The following MALT1 variants were observed in gnomAD, a reference collection of about 807,000 sequenced individuals.
MALT1 encodes MALT1 paracaspase.
A neutral mutation model predicts 85.5 loss-of-function variants in MALT1; 36 were observed. The ratio of observed to expected loss-of-function variants is 0.42; its 90% CI spans 0.32 to 0.56. The LOEUF is 0.56. Ranked by LOEUF, MALT1 falls within the 20% of genes least tolerant of loss-of-function variation. The pLI is 0.10. For synonymous variants in MALT1, 359 were observed against 361.3 expected (o/e 0.99, Z 0.07); for missense variants, 716 against 981.6 (o/e 0.73, Z 3.62).
intron 2 of MALT1, among the ~76,000 whole-genome samples, chr18:58,682,435 G>A (rs2144313705): frequency 6.6e-6 from 1 of 152,316 alleles, no homozygotes; most frequent in African/African-American, 2.4e-5. Context: ...CGCATTGGTT[G>A]GTTTTTGTCT....
chr18:58,689,421 GCAGT>G (rs146955403), intron 2 of MALT1, among the ~76,000 whole-genome samples: 8,161 of 152,180 alleles, frequency 0.054, 344 homozygotes, highest in East Asian at 0.22. Context: ...TGCATGTAAA[GCAGT>G]CAGTAACTTG....
At position 58,723,115 on chromosome 18, in the gene MALT1, T is replaced by G; in HGVS notation, c.1086T>G (p.Pro362=). The change falls in exon 10 of 17, where the codon CCT becomes CCG. Residue 362 remains proline, a synonymous_variant. Coordinates refer to ENST00000649217, the MANE Select transcript of MALT1 (RefSeq NM_006785.4). ...NYREHPKLKA[P]LVDVYELTNL... ...GGGAGCACCCCAAGCTCAAAGCTCC[T>G]TTGGTGGATGTGTACGAATTGACTA... The G allele has an allele frequency of 6.2e-7, 1 of 1,614,086 alleles. No individual in the cohort carries two copies. Among genetic ancestry groups the G allele is most frequent in the Non-Finnish European group, 8.5e-7 (1 of 1,179,980 alleles).
rs1239580976 is a variant in MALT1, at chr18:58,751,733, GT to G, written c.*3894del. ...TAATAAAGAAATTAGGATAGTGGAG[GT>G]TTGAGCAAGTAAAGGCTCACCCAAA... is the stretch of plus-strand genomic sequence containing the variant. On this transcript the variant is annotated 3_prime_UTR_variant, in exon 17 of 17. Coordinates refer to ENST00000649217, the MANE Select transcript of MALT1 (RefSeq NM_006785.4). The G allele has an allele frequency of 6.6e-6, 1 of 152,144 alleles. No homozygotes were observed. The highest frequency in any genetic ancestry group is 1.5e-5 in the Non-Finnish European group (1 of 68,024). The allele number at this position is 152,144 out of a possible 1,614,324, so 9.4% of individuals were successfully genotyped here. A position where few individuals can be genotyped will look rare whatever the true frequency, so the allele number is the denominator to read the frequency against.
rs751434443 is a variant in MALT1, at chr18:58,727,616, G to GTTTTTTTTTTTTTTTTTTTTTTTTT, written c.1222+4376_1222+4377insTTTTTTTTTTTTTTTTTTTTTTTTT. On this transcript the variant is annotated intron_variant, in intron 10 of 16. Transcript: ENST00000649217. Reference sequence around the variant, plus strand: ...ACCCAGCCTGCCAAAGGTTTTTTGTGTTTTTTTTTTTGTTTTTTTTTTTTT... The same window carrying GTTTTTTTTTTTTTTTTTTTTTTTTT: ...ACCCAGCCTGCCAAAGGTTTTTTGTGTTTTTTTTTTTTTTTTTTTTTTTTTTTTTTTTTTTTGTTTTTTTTTTTTT... 4.9e-5 allele frequency among the ~76,000 whole-genome samples: 6 copies of GTTTTTTTTTTTTTTTTTTTTTTTTT among 121,270 alleles called. 1 individual carries two copies. The highest frequency in any genetic ancestry group is 2.0e-4 in the African/African-American group (6 of 30,664). The allele number at this position is 121,270 out of a possible 152,430, so 79.6% of individuals were successfully genotyped here. A position where few individuals can be genotyped will look rare whatever the true frequency, so the allele number is the denominator to read the frequency against.
chr18:58,690,910 C>T (rs1020813985), intron 2 of MALT1: 9 of 237,460 alleles, frequency 3.8e-5, no homozygotes, highest in Admixed American at 4.7e-5. Context: ...GTACTGAGTA[C>T]GGCCCCAGGA....
At chr18:58,680,948 A>T (rs1040612178) in intron 1 of MALT1, among the ~76,000 whole-genome samples, 23 of 151,174 alleles carry the variant, frequency 1.5e-4, no homozygotes, top group East Asian at 5.8e-4. Context: ...AAAAAAAAAA[A>T]AAAAAAATAA....
In MALT1 at chr18:58,748,750, A is replaced by C. The variant is rs2055407667; in HGVS notation, c.*908A>C. The C allele has an allele frequency of 5.1e-6, 1 of 196,124 alleles. No homozygotes were observed. The highest frequency in any genetic ancestry group is 1.1e-5 in the Non-Finnish European group (1 of 94,352). The allele number at this position is 196,124 out of a possible 1,614,324, so 12.1% of individuals were successfully genotyped here. A position where few individuals can be genotyped will look rare whatever the true frequency, so the allele number is the denominator to read the frequency against. ...CTACCTAAAAGTTGGTTAAAAATGCAATTGGCATTAACAAGGAAAAATACT... is the reference window on the plus strand; with the variant it reads ...CTACCTAAAAGTTGGTTAAAAATGCCATTGGCATTAACAAGGAAAAATACT... On this transcript the variant is annotated 3_prime_UTR_variant, in exon 17 of 17. Coordinates refer to ENST00000649217, the MANE Select transcript of MALT1 (RefSeq NM_006785.4).
intron 1 of MALT1, among the ~76,000 whole-genome samples, chr18:58,676,041 CTA>C (rs139809852): frequency 3.3e-5 from 5 of 152,174 alleles, no homozygotes; most frequent in Non-Finnish European, 7.3e-5. Flanking sequence ...TGTACCTTCA[CTA>C]TATATATGTA....
At chr18:58,729,141 A>G (rs1438449560) in intron 10 of MALT1, among the ~76,000 whole-genome samples, 1 of 152,202 alleles carries the variant, frequency 6.6e-6, no homozygotes, top group South Asian at 2.1e-4. Context: ...GGAGTATGCT[A>G]TGTGCTGAGA....
chr18:58,684,331 T>C (rs1213431161), intron 2 of MALT1, among the ~76,000 whole-genome samples: 1 of 152,190 alleles, frequency 6.6e-6, no homozygotes, highest in Non-Finnish European at 1.5e-5. Flanking sequence ...TAGTTATTGA[T>C]TTAACAGCAA....
rs763462254 is a variant in MALT1, at chr18:58,733,370, T to C, written c.1223-27T>C. The C allele has an allele frequency of 2.0e-6, 3 of 1,480,938 alleles. No individual in the cohort carries two copies. In the Admixed American group the frequency reaches 5.9e-5, roughly 29 times the overall value. The allele number at this position is 1,480,938 out of a possible 1,614,324, so 91.7% of individuals were successfully genotyped here. ...AGAGTGCATTTAGAATTGACATCTA[T>C]CTCTCTCTTATTTTTCCTCTTTTCA... On this transcript the variant is annotated intron_variant, in intron 10 of 16. Transcript: ENST00000649217.
At position 58,686,705 on chromosome 18, in the gene MALT1, C is replaced by T. The variant is rs1196449291; in HGVS notation, c.376+5369C>T. 5.3e-5 allele frequency among the ~76,000 whole-genome samples: 8 copies of T among 152,054 alleles called. No homozygotes were observed. In the South Asian group the frequency reaches 1.0e-3, roughly 20 times the overall value. ...ATTTCATACCTTTTTTTCTCAGATC[C>T]GTTGTAACATACGCATTGTTATGTT... On this transcript the variant is annotated intron_variant, in intron 2 of 16. Coordinates refer to ENST00000649217, the MANE Select transcript of MALT1 (RefSeq NM_006785.4).
chr18:58,719,547 T>A (rs543428282), intron 9 of MALT1, among the ~76,000 whole-genome samples: 1 of 152,202 alleles, frequency 6.6e-6, no homozygotes, highest in Admixed American at 6.5e-5. Flanking sequence ...TTTAAGGGCT[T>A]AGACCCTGAA....
chr18:58,681,150 ATTCT>A lies in MALT1; in HGVS notation c.210-15_210-12del. ...ATGTGGAAGAAAGCTGTTGACTTGA[ATTCT>A]TTCTGTTGCTTTCAGTTGCCTAGAC... On this transcript the variant is annotated splice_polypyrimidine_tract_variant and intron_variant, in intron 1 of 16. Coordinates refer to ENST00000649217, the MANE Select transcript of MALT1 (RefSeq NM_006785.4). 1 of 1,610,592 alleles carries A rather than the reference ATTCT, an allele frequency of 6.2e-7. No homozygotes were observed. Among genetic ancestry groups the A allele is most frequent in the Non-Finnish European group, 8.5e-7 (1 of 1,178,284 alleles).
At chr18:58,705,461 C>T (rs1413836096) in intron 4 of MALT1, among the ~76,000 whole-genome samples, 1 of 143,148 alleles carries the variant, frequency 7.0e-6, no homozygotes, top group African/African-American at 2.6e-5. Flanking sequence ...TCTCCCAATG[C>T]TATCCCTCCC....
intron 7 of MALT1, 51 bp downstream of exon 7, chr18:58,711,004 T>C (rs768698009): frequency 1.4e-6 from 2 of 1,386,864 alleles, no homozygotes; most frequent in East Asian, 5.1e-5. Flanking sequence ...CTAGTTACTC[T>C]TGGGATTGGT....
In MALT1 at chr18:58,700,533, C is replaced by A; in HGVS notation, c.591C>A (p.Thr197=). 6.2e-7 allele frequency: 1 copy of A among 1,612,934 alleles called. No individual in the cohort carries two copies. The highest frequency in any genetic ancestry group is 8.5e-7 in the Non-Finnish European group (1 of 1,179,636). ...TCTGTCGAGTTAATAACAATTTCACCTTTGAATTCAGCCAGTGGTCACAGC... is the reference window on the plus strand; with the variant it reads ...TCTGTCGAGTTAATAACAATTTCACATTTGAATTCAGCCAGTGGTCACAGC... ...FYVCRVNNNF[T]FEFSQWSQLD... Residue 197 remains threonine (T), a synonymous_variant, in exon 4 of 17, where the codon ACC becomes ACA. Coordinates refer to ENST00000649217, the MANE Select transcript of MALT1 (RefSeq NM_006785.4).
At chr18:58,746,261 C>G (rs2055365559) in intron 16 of MALT1, among the ~76,000 whole-genome samples, 1 of 152,176 alleles carries the variant, frequency 6.6e-6, no homozygotes. Flanking sequence ...CTCAAGAATC[C>G]TCCCTTCTTG....
chr18:58,703,178 G>C (rs531610928), intron 4 of MALT1, among the ~76,000 whole-genome samples: 2 of 152,170 alleles, frequency 1.3e-5, no homozygotes, highest in South Asian at 4.1e-4. Flanking sequence ...CCAACATGGT[G>C]AAACCCTGTC....
Sources: gnomAD v4.1 joint callset for allele counts (sites outside exome capture counted in the v4.1 genomes callset) on GRCh38, gnomAD v4.1.1 for gene constraint, MANE v1.5 for transcripts, NCBI Gene and HGNC (gene_info 2026-07-23, HGNC 2026-07-21) for gene names.